Variants in NCKAP5 observed in about 807,000 individuals in gnomAD.
The protein encoded by NCKAP5 is NCK associated protein 5.
NCKAP5 carries 92 observed loss-of-function variants against 167.0 expected under a neutral mutation model. The ratio of observed to expected loss-of-function variants is 0.55; its 90% CI spans 0.47 to 0.66. The LOEUF is 0.66. NCKAP5 is among the 30% of genes least tolerant of loss of function. NCKAP5 has a pLI of 0.00. For synonymous variants in NCKAP5, 891 were observed against 877.4 expected, an observed-to-expected ratio of 1.02 and a Z score of -0.27; for missense variants, 2,378 against 2,315.0, an observed-to-expected ratio of 1.03 and a Z score of -0.56.
At chr2:132,711,092 A>C (rs1283696210) in intron 19 of NCKAP5, among the ~76,000 whole-genome samples, 1 of 152,190 alleles carries the variant, frequency 6.6e-6, no homozygotes, top group Admixed American at 6.5e-5. Flanking sequence ...CATGAGCAAA[A>C]ACACTCTGTC....
intron 3 of NCKAP5, among the ~76,000 whole-genome samples, chr2:133,340,570 A>G (rs1402315627): frequency 6.6e-6 from 1 of 152,160 alleles, no homozygotes; most frequent in African/African-American, 2.4e-5. Flanking sequence ...CTGACAATGC[A>G]TAAGAAAGAG....
At chr2:133,164,956 A>G (rs1252719150) in intron 5 of NCKAP5, among the ~76,000 whole-genome samples, 1 of 152,226 alleles carries the variant, frequency 6.6e-6, no homozygotes, top group African/African-American at 2.4e-5. Flanking sequence ...AGGTATGAAG[A>G]CAGACTAGGT....
chr2:132,753,977 GA>G (rs1680323598), intron 16 of NCKAP5, among the ~76,000 whole-genome samples: 1 of 152,174 alleles, frequency 6.6e-6, no homozygotes, highest in African/African-American at 2.4e-5. Flanking sequence ...CCTCAGGTGA[GA>G]AAACTCTTGA....
chr2:133,099,222 G>T (rs935106172), intron 6 of NCKAP5, among the ~76,000 whole-genome samples: 4 of 151,468 alleles, frequency 2.6e-5, no homozygotes, highest in Non-Finnish European at 5.9e-5. Context: ...AGAAAAAAAA[G>T]CTCTGAGCTC....
chr2:132,920,684 AGTT>A lies in NCKAP5; in HGVS notation c.580-41771_580-41769del, dbSNP rs1558942442. On this transcript the variant is annotated intron_variant, in intron 8 of 19. Transcript: ENST00000409261. ...TTATATATATATATATATATAAGTT[AGTT>A]TATATATATATATACGTATATGTAT... Among the ~76,000 whole-genome samples, 120 of 96,202 alleles carry A rather than the reference AGTT, an allele frequency of 1.2e-3. 5 individuals carry two copies. Among genetic ancestry groups the A allele is most frequent in the African/African-American group, 4.8e-3 (73 of 15,248 alleles). The allele number at this position is 96,202 out of a possible 152,430, so 63.1% of individuals were successfully genotyped here.
intron 6 of NCKAP5, among the ~76,000 whole-genome samples, chr2:133,007,027 G>T (rs2077992606): frequency 6.6e-6 from 1 of 152,146 alleles, no homozygotes; most frequent in African/African-American, 2.4e-5. Context: ...ATCCAGAAAA[G>T]TCGCTCTACC....
intron 5 of NCKAP5, among the ~76,000 whole-genome samples, chr2:133,163,175 C>T (rs900485565): frequency 1.2e-4 from 18 of 152,208 alleles, no homozygotes; most frequent in African/African-American, 4.3e-4. Flanking sequence ...AATTAAAGGG[C>T]TATCATTCCA....
the NCKAP5 span, among the ~76,000 whole-genome samples, chr2:133,575,535 C>A: frequency 1.3e-5 from 2 of 152,086 alleles, no homozygotes; most frequent in Admixed American, 6.5e-5. Context: ...ACGGCCAGTG[C>A]CTTCTGAATA....
chr2:133,494,776 C>G (rs1228087742), intron 3 of NCKAP5, among the ~76,000 whole-genome samples: 2 of 152,178 alleles, frequency 1.3e-5, no homozygotes, highest in East Asian at 3.9e-4. Flanking sequence ...TGTCAGAGAG[C>G]AGGCACCAAA....
intron 4 of NCKAP5, among the ~76,000 whole-genome samples, chr2:133,281,498 A>C (rs1293237164): frequency 6.6e-6 from 1 of 152,226 alleles, no homozygotes; most frequent in African/African-American, 2.4e-5. Flanking sequence ...AGAATTTCTT[A>C]TGAAAGGAAT....
intron 2 of NCKAP5, chr2:133,558,357 A>C (rs1687896277): frequency 6.6e-6 from 1 of 152,302 alleles, no homozygotes; most frequent in Non-Finnish European, 1.5e-5. Flanking sequence ...GAGGGAGAAT[A>C]AGAGCAAAAG....
chr2:133,341,037 C>T (rs1042328524), intron 3 of NCKAP5, among the ~76,000 whole-genome samples: 1 of 152,112 alleles, frequency 6.6e-6, no homozygotes, highest in African/African-American at 2.4e-5. Flanking sequence ...TAATATTTAC[C>T]TATGACATTT....
chr2:133,144,436 T>C (rs1187819711), intron 5 of NCKAP5, among the ~76,000 whole-genome samples: 1 of 152,102 alleles, frequency 6.6e-6, no homozygotes, highest in East Asian at 1.9e-4. Context: ...AATCATTCAT[T>C]TTCCAGGAGG....
intron 19 of NCKAP5, among the ~76,000 whole-genome samples, chr2:132,701,928 A>C (rs1687924206): frequency 6.6e-6 from 1 of 152,192 alleles, no homozygotes; most frequent in Admixed American, 6.5e-5. Flanking sequence ...TCATTATGAA[A>C]GTTATAGGAA....
At chr2:133,423,317 AT>A (rs1425672336) in intron 3 of NCKAP5, among the ~76,000 whole-genome samples, 1 of 152,168 alleles carries the variant, frequency 6.6e-6, no homozygotes, top group African/African-American at 2.4e-5. Context: ...TGTAAGCAGA[AT>A]GACACTCCAG....
At chr2:132,753,483 C>T (rs1680282777) in intron 16 of NCKAP5, among the ~76,000 whole-genome samples, 1 of 152,148 alleles carries the variant, frequency 6.6e-6, no homozygotes, top group Non-Finnish European at 1.5e-5. Context: ...AAAGGAGGCT[C>T]AGGGGGTGGA....
chr2:133,599,493 A>C, the NCKAP5 span, among the ~76,000 whole-genome samples: 1 of 152,224 alleles, frequency 6.6e-6, no homozygotes, highest in Non-Finnish European at 1.5e-5. Flanking sequence ...GCTTGGCAGC[A>C]TAAGGATACT....
At chr2:133,351,939 C>T (rs747773965) in intron 3 of NCKAP5, among the ~76,000 whole-genome samples, 5 of 152,162 alleles carry the variant, frequency 3.3e-5, no homozygotes, top group Non-Finnish European at 7.4e-5. Flanking sequence ...AAGAGGGCAG[C>T]CAAAATGATG....
intron 2 of NCKAP5, among the ~76,000 whole-genome samples, chr2:133,546,974 A>C (rs564422752): frequency 1.4e-4 from 21 of 152,270 alleles, no homozygotes; most frequent in African/African-American, 4.8e-4. Context: ...TACCGGGTTT[A>C]TCTCACTAGG....
Sources: gnomAD v4.1 joint callset for allele counts (sites outside exome capture counted in the v4.1 genomes callset) on GRCh38, gnomAD v4.1.1 for gene constraint, MANE v1.5 for transcripts, NCBI Gene and HGNC (gene_info 2026-07-23, HGNC 2026-07-21) for gene names.